Variants in TMCO4 observed in about 807,000 individuals in gnomAD.
TMCO4 encodes transmembrane and coiled-coil domains 4.
In TMCO4, 58 loss-of-function variants were observed where a neutral mutation model predicts 64.7. The observed-to-expected ratio is 0.90, with a 90% CI of 0.73 to 1.12. The LOEUF (loss-of-function observed/expected upper bound fraction) is 1.12. Among genes scored for constraint, TMCO4 ranks in the 50% most tolerant of loss-of-function variants. TMCO4 has a pLI of 0.00. For synonymous variants in TMCO4, 325 were observed against 346.1 expected (o/e 0.94, Z 0.68); for missense variants, 780 against 825.9 (o/e 0.94, Z 0.68).
chr1:19,779,656 T>G (rs1182095452), intron 4 of TMCO4, among the ~76,000 whole-genome samples: 3 of 152,220 alleles, frequency 2.0e-5, no homozygotes, highest in Non-Finnish European at 4.4e-5. Context: ...ATCAGCCACC[T>G]GGGCACCCCT....
chr1:19,778,968 G>A (rs569941969), intron 4 of TMCO4, among the ~76,000 whole-genome samples: 2 of 152,264 alleles, frequency 1.3e-5, no homozygotes, highest in Non-Finnish European at 2.9e-5. Context: ...ACAATGCCCT[G>A]GTCTGGAGGA....
intron 13 of TMCO4, among the ~76,000 whole-genome samples, chr1:19,711,091 T>G (rs1046955749): frequency 6.6e-6 from 1 of 152,234 alleles, no homozygotes; most frequent in Non-Finnish European, 1.5e-5. Context: ...TTGAGAAATA[T>G]AGCTGCTGGT....
intron 14 of TMCO4, among the ~76,000 whole-genome samples, chr1:19,697,214 G>C (rs1439948115): frequency 6.6e-6 from 1 of 152,128 alleles, no homozygotes; most frequent in East Asian, 1.9e-4. Context: ...ATTCACCTTG[G>C]ACATCCCCTC....
chr1:19,774,748 G>T (rs550737540), intron 4 of TMCO4, among the ~76,000 whole-genome samples: 1 of 152,218 alleles, frequency 6.6e-6, no homozygotes, highest in Non-Finnish European at 1.5e-5. Context: ...TGAGAGCTTC[G>T]TACACCTTGA....
At position 19,780,635 on chromosome 1, in the gene TMCO4, A is replaced by G. The variant is rs770889130; in HGVS notation, c.124T>C (p.Tyr42His). 1 of 1,613,932 alleles carries G rather than the reference A, an allele frequency of 6.2e-7. No homozygotes were observed. Among genetic ancestry groups the G allele is most frequent in the Non-Finnish European group, 8.5e-7 (1 of 1,179,938 alleles). Residue 42 changes from tyrosine to histidine, a missense_variant, in exon 4 of 16, where the codon TAT (tyrosine) becomes CAT (histidine). Coordinates refer to ENST00000294543, the MANE Select transcript of TMCO4 (RefSeq NM_181719.7). Reference protein sequence around the residue: ...RELTEANRFAYAALCGISLSQ... With the variant: ...RELTEANRFAHAALCGISLSQ... ...AGGGAGATGCCACAGAGGGCAGCAT[A>G]GGCGAAGCGGTTGGCCTCAGTCAGC...
intron 3 of TMCO4, among the ~76,000 whole-genome samples, chr1:19,784,288 CT>C (rs1335429016): frequency 6.6e-6 from 1 of 152,096 alleles, no homozygotes; most frequent in Non-Finnish European, 1.5e-5. Flanking sequence ...AATCCCAGCA[CT>C]TTGGGAGGCC....
intron 7 of TMCO4, among the ~76,000 whole-genome samples, chr1:19,749,307 A>C (rs2041926813): frequency 6.6e-6 from 1 of 152,056 alleles, no homozygotes; most frequent in Admixed American, 6.6e-5. Context: ...TGGTCATAGG[A>C]CCAGCTTTAG....
chr1:19,721,312 C>T (rs1325439269), intron 13 of TMCO4, among the ~76,000 whole-genome samples: 1 of 152,184 alleles, frequency 6.6e-6, no homozygotes, highest in Non-Finnish European at 1.5e-5. Context: ...CTGTGCTCAC[C>T]ACAGAAACTT....
intron 10 of TMCO4, among the ~76,000 whole-genome samples, chr1:19,741,181 AC>A (rs1327307989): frequency 6.6e-6 from 1 of 152,356 alleles, no homozygotes; most frequent in South Asian, 2.1e-4. Context: ...GACCCTGGGC[AC>A]ATCACTATCC....
intron 15 of TMCO4, among the ~76,000 whole-genome samples, chr1:19,689,902 C>G (rs1034182273): frequency 6.6e-6 from 1 of 152,226 alleles, no homozygotes; most frequent in African/African-American, 2.4e-5. Flanking sequence ...CCTAGGCAGA[C>G]GGGGTGGGTC....
At chr1:19,766,153 T>G (rs2042726810) in intron 6 of TMCO4, among the ~76,000 whole-genome samples, 1 of 152,200 alleles carries the variant, frequency 6.6e-6, no homozygotes, top group African/African-American at 2.4e-5. Context: ...CATCTTTCTA[T>G]TGCACCCTCC....
intron 13 of TMCO4, among the ~76,000 whole-genome samples, chr1:19,716,122 G>C (rs1351243695): frequency 6.6e-6 from 1 of 151,850 alleles, no homozygotes; most frequent in Admixed American, 6.6e-5. Flanking sequence ...TTTGAGACCA[G>C]CCTGGGCAAA....
chr1:19,760,860 G>A (rs2042468712), intron 6 of TMCO4, among the ~76,000 whole-genome samples: 1 of 152,272 alleles, frequency 6.6e-6, no homozygotes, highest in Non-Finnish European at 1.5e-5. Flanking sequence ...AATATTTGTA[G>A]AAATGAATGA....
intron 15 of TMCO4, among the ~76,000 whole-genome samples, chr1:19,690,684 T>C (rs996527718): frequency 1.2e-4 from 19 of 152,266 alleles, no homozygotes; most frequent in African/African-American, 4.1e-4. Flanking sequence ...GCTTACCTCA[T>C]TCCCACAGAG....
Position 19,700,794 on chromosome 1 carries a change from G to T in TMCO4, c.1356C>A (p.Ser452=), listed in dbSNP as rs138938855. Reference sequence around the variant, plus strand: ...TGCAGTAGCCGTTGATGATCCTCCCGGACACCACCTTCCGGAAAGGCTCCC... The same window carrying T: ...TGCAGTAGCCGTTGATGATCCTCCCTGACACCACCTTCCGGAAAGGCTCCC... ...KHWEPFRKVV[S]GRIINGYCRG... Residue 452 remains serine (S), a synonymous_variant, in exon 14 of 16, where the codon TCC becomes TCA. Coordinates refer to ENST00000294543, the MANE Select transcript of TMCO4 (RefSeq NM_181719.7). The T allele has an allele frequency of 6.2e-7, 1 of 1,614,164 alleles. No individual in the cohort carries two copies. The highest frequency in any genetic ancestry group is 1.1e-5 in the South Asian group (1 of 91,076).
chr1:19,768,478 C>T lies in TMCO4; in HGVS notation c.382+2064G>A, dbSNP rs184052381. On this transcript the variant is annotated intron_variant, in intron 6 of 15. Transcript: ENST00000294543. ...AAATATATGACAACTCCTGAGACTGCCTGGCCCTGGAAATGTAAGCTCCAG... is the reference window on the plus strand; with the variant it reads ...AAATATATGACAACTCCTGAGACTGTCTGGCCCTGGAAATGTAAGCTCCAG... Among the ~76,000 whole-genome samples, 502 of 152,286 alleles carry T rather than the reference C, an allele frequency of 3.3e-3. 3 individuals carry two copies. Among genetic ancestry groups the T allele is most frequent in the African/African-American group, 0.011 (471 of 41,554 alleles).
chr1:19,700,745 G>A (rs771634764), intron 14 of TMCO4, 23 bp downstream of exon 14: 107 of 1,593,582 alleles, frequency 6.7e-5, no homozygotes, highest in African/African-American at 1.7e-4. Context: ...TCACTTCCCC[G>A]CTGGCACGAG....
At chr1:19,713,571 C>T (rs1256473106) in intron 13 of TMCO4, among the ~76,000 whole-genome samples, 3 of 152,040 alleles carry the variant, frequency 2.0e-5, no homozygotes, top group Non-Finnish European at 4.4e-5. Flanking sequence ...TGGTGGTGTG[C>T]ACCTGTGGTC....
Position 19,747,173 on chromosome 1 carries a change from TC to T in TMCO4, c.602del (p.Gly201GlufsTer3). The T allele has an allele frequency of 6.2e-7, 1 of 1,613,942 alleles. No homozygotes were observed. The highest frequency in any genetic ancestry group is 8.5e-7 in the Non-Finnish European group (1 of 1,179,892). ...TCTAGCTGGACTCACCGATCACCGT[TC>T]CGCCTCCGACAGTCGCCAGGCCTAT... The part of the protein sequence containing the change: ...LLIGLATVGG[G>X]TVIGVTGGLA... On this transcript the variant is annotated frameshift_variant, in exon 8 of 16. Coordinates refer to ENST00000294543, the MANE Select transcript of TMCO4 (RefSeq NM_181719.7). LOFTEE classifies it high-confidence loss of function.
Sources: allele counts gnomAD v4.1 joint callset (sites outside exome capture counted in the v4.1 genomes callset), GRCh38; gene constraint gnomAD v4.1.1; transcripts MANE v1.5; gene names NCBI Gene and HGNC (gene_info 2026-07-23, HGNC 2026-07-21).